ABHD5: variants seen among roughly 807,000 people sequenced by gnomAD.
ABHD5 encodes the protein 1-acylglycerol-3-phosphate O-acyltransferase ABHD5.
In ABHD5, 30 loss-of-function variants were observed where a neutral mutation model predicts 44.9. That is an observed-to-expected ratio of 0.67 (90% CI 0.50 to 0.91). ABHD5 has a LOEUF of 0.91. Ranked by LOEUF, ABHD5 falls within the 40% of genes least tolerant of loss-of-function variation. The pLI is 0.00. For missense variants in ABHD5, 399 were observed against 423.4 expected (o/e 0.94, Z 0.50); for synonymous variants, 167 against 147.0 (o/e 1.14, Z -0.99).
chr3:43,718,856 T>C lies in ABHD5; in HGVS notation c.*324T>C, dbSNP rs955848631. ...AAATTTTTTAATCTAACTTTGCTAG[T>C]TATTTTTATATTGCAATCTATATTA... On this transcript the variant is annotated 3_prime_UTR_variant, in exon 7 of 7. Coordinates refer to ENST00000644371, the MANE Select transcript of ABHD5 (RefSeq NM_016006.6). 5.8e-5 allele frequency: 17 copies of C among 293,390 alleles called. No homozygotes were observed. The highest frequency in any genetic ancestry group is 1.2e-3 in the Middle Eastern group (1 of 858). The allele number at this position is 293,390 out of a possible 1,614,324, so 18.2% of individuals were successfully genotyped here.
At position 43,691,049 on chromosome 3, in the gene ABHD5, G is replaced by A. The variant is rs375014954; in HGVS notation, c.47+10G>A. On this transcript the variant is annotated intron_variant, in intron 1 of 6. Coordinates refer to ENST00000644371, the MANE Select transcript of ABHD5 (RefSeq NM_016006.6). ...CCGACACCGGAGAGAGGTAAGCGCAGCCGGCAGGGGGCTTCGTGTGTCTCC... is the reference window on the plus strand; with the variant it reads ...CCGACACCGGAGAGAGGTAAGCGCAACCGGCAGGGGGCTTCGTGTGTCTCC... The A allele has an allele frequency of 3.2e-6, 5 of 1,548,400 alleles. No individual in the cohort carries two copies. The highest frequency in any genetic ancestry group is 1.7e-4 in the Middle Eastern group (1 of 5,848).
At chr3:43,690,910 T>G, upstream of ABHD5, 5 of 1,446,184 alleles carry the variant, frequency 3.5e-6, no homozygotes, top group Non-Finnish European at 4.6e-6. Context: ...TGCGCCGCCT[T>G]AAGTGCCGCG....
chr3:43,693,360 C>A (rs571444069), intron 1 of ABHD5, among the ~76,000 whole-genome samples: 2 of 152,138 alleles, frequency 1.3e-5, no homozygotes. Flanking sequence ...AGGGATTTTT[C>A]TCTCCCCTCC....
chr3:43,704,033 CTTTTTTTTTTTTTTTTTT>C lies in ABHD5; in HGVS notation c.506+1451_506+1468del, dbSNP rs10544525. Among the ~76,000 whole-genome samples, 17 of 84,860 alleles carry C rather than the reference CTTTTTTTTTTTTTTTTTT, an allele frequency of 2.0e-4. No individual in the cohort carries two copies. The South Asian group carries it at 6.0e-3, about 30-fold the overall frequency. 55.7% of individuals were successfully genotyped at this position (84,860 alleles called of 152,430 possible). Reference sequence around the variant, plus strand: ...ATTTTGGGGTTACTTTCTTTATTTTCTTTTTTTTTTTTTTTTTTTTTTGAGCCGGAGTCTCACTCGGTC... The same window carrying C: ...ATTTTGGGGTTACTTTCTTTATTTTCTTTTGAGCCGGAGTCTCACTCGGTC... On this transcript the variant is annotated intron_variant, in intron 3 of 6. Transcript: ENST00000644371.
chr3:43,694,715 G>A (rs186642816), intron 1 of ABHD5, among the ~76,000 whole-genome samples: 7 of 151,986 alleles, frequency 4.6e-5, no homozygotes, highest in Non-Finnish European at 8.8e-5. Flanking sequence ...TACAGGTTGG[G>A]GGGGGAGGGG....
Position 43,702,510 on chromosome 3 carries a change from A to G in ABHD5, c.429A>G (p.Gly143=). Residue 143 remains glycine (G), a synonymous_variant, in exon 3 of 7, where the codon GGA becomes GGG. Coordinates refer to ENST00000644371, the MANE Select transcript of ABHD5 (RefSeq NM_016006.6). ...ESIEEWRCAL[G]LDKMILLGHN... ...TTGAAGAGTGGAGATGTGCCCTAGG[A>G]TTGGACAAAATGATCTTGCTTGGGC... 1 of 1,614,196 alleles carries G rather than the reference A, an allele frequency of 6.2e-7. No homozygotes were observed. The highest frequency in any genetic ancestry group is 8.5e-7 in the Non-Finnish European group (1 of 1,180,034).
intron 7 of ABHD5, among the ~76,000 whole-genome samples, chr3:43,732,280 A>G (rs1252613367): frequency 6.6e-6 from 1 of 151,982 alleles, no homozygotes; most frequent in South Asian, 2.1e-4. Context: ...AAAATACAAA[A>G]ATTAGCCGGC....
chr3:43,691,226 G>T (rs1410520089), intron 1 of ABHD5, 187 bp downstream of exon 1: 1 of 496,040 alleles, frequency 2.0e-6, no homozygotes, highest in East Asian at 3.6e-5. Flanking sequence ...CTGCCTGGGA[G>T]AGGCTCCCCT....
chr3:43,699,285 G>A lies in ABHD5; in HGVS notation c.57G>A (p.Trp19Ter). ...DSADTGERSGWLTGWLPTWCP... is the reference protein window; with the variant it reads ...DSADTGERSG ...GTTTTTGGTGCTCTAGGTCAGGATG[G>A]CTAACTGGTTGGCTCCCCACATGGT... Residue 19 changes from tryptophan (W) to a stop codon, truncating the protein, a stop_gained, in exon 2 of 7, where the codon TGG (tryptophan) becomes TGA (stop). Transcript: ENST00000644371. LOFTEE classifies it high-confidence loss of function. 2 of 1,613,920 alleles carry A rather than the reference G, an allele frequency of 1.2e-6. No individual in the cohort carries two copies. The highest frequency in any genetic ancestry group is 1.7e-6 in the Non-Finnish European group (2 of 1,179,826).
rs765897182 is a variant in ABHD5, at chr3:43,702,484, A to G, written c.403A>G (p.Ile135Val). The change falls in exon 3 of 7, where the codon ATT (isoleucine) becomes GTT (valine). Residue 135 changes from isoleucine (I) to valine (V), a missense_variant. Coordinates refer to ENST00000644371, the MANE Select transcript of ABHD5 (RefSeq NM_016006.6). ...EEVENQFVES[I>V]EEWRCALGLD... ...AGTGGAGAATCAGTTTGTGGAATCC[A>G]TTGAAGAGTGGAGATGTGCCCTAGG... is the stretch of plus-strand genomic sequence containing the variant. 9.9e-6 allele frequency: 16 copies of G among 1,614,236 alleles called. No homozygotes were observed. In the Admixed American group the frequency reaches 1.7e-4, roughly 17 times the overall value.
intron 7 of ABHD5, among the ~76,000 whole-genome samples, chr3:43,732,721 T>C (rs554867582): frequency 2.7e-4 from 41 of 152,376 alleles, no homozygotes; most frequent in African/African-American, 9.6e-4. Context: ...TCATGGTTTC[T>C]GCGGATGAAG....
intron 1 of ABHD5, among the ~76,000 whole-genome samples, chr3:43,694,024 C>T (rs2084437685): frequency 6.6e-6 from 1 of 151,750 alleles, no homozygotes; most frequent in Non-Finnish European, 1.5e-5. Context: ...AAGCTTAGTT[C>T]TGGCCGGGCG....
chr3:43,723,165 T>C (rs1353434043), downstream of ABHD5, among the ~76,000 whole-genome samples: 1 of 152,180 alleles, frequency 6.6e-6, no homozygotes, highest in African/African-American at 2.4e-5. Flanking sequence ...AAACATGAAA[T>C]ATATAAAACG....
At chr3:43,732,072 CAT>C (rs1488253217) in intron 7 of ABHD5, among the ~76,000 whole-genome samples, 1 of 151,964 alleles carries the variant, frequency 6.6e-6, no homozygotes, top group Non-Finnish European at 1.5e-5. Flanking sequence ...CCCAGTAAAA[CAT>C]AAAAAAAATT....
intron 1 of ABHD5, among the ~76,000 whole-genome samples, chr3:43,697,798 C>A (rs2084492305): frequency 6.6e-6 from 1 of 152,106 alleles, no homozygotes; most frequent in African/African-American, 2.4e-5. Flanking sequence ...AATGGGCAAC[C>A]CTTCAGACAT....
At chr3:43,691,270 T>G in intron 1 of ABHD5, 4 of 366,662 alleles carry the variant, frequency 1.1e-5, no homozygotes, top group African/African-American at 2.1e-5. Context: ...TGAGCCGGAC[T>G]CCGGCCGCGC....
Position 43,713,151 on chromosome 3 carries a change from A to C in ABHD5, c.661+1288A>C, listed in dbSNP as rs190132561. Reference sequence around the variant, plus strand: ...GCCAACATGACAAAACCCCATCTCTACTAAAAATACAAAAAAATTAGCCAG... The same window carrying C: ...GCCAACATGACAAAACCCCATCTCTCCTAAAAATACAAAAAAATTAGCCAG... On this transcript the variant is annotated intron_variant, in intron 4 of 6. Transcript: ENST00000644371. Among the ~76,000 whole-genome samples the C allele has an allele frequency of 2.6e-5, 4 of 151,894 alleles. No individual in the cohort carries two copies. The East Asian group carries it at 7.8e-4, about 29-fold the overall frequency.
intron 3 of ABHD5, among the ~76,000 whole-genome samples, chr3:43,708,516 A>T (rs1375456287): frequency 2.6e-5 from 4 of 152,166 alleles, no homozygotes; most frequent in Non-Finnish European, 4.4e-5. Flanking sequence ...AAGAATAAAT[A>T]CCTGTCTTTC....
intron 7 of ABHD5, among the ~76,000 whole-genome samples, chr3:43,728,542 A>G (rs535574717): frequency 8.4e-4 from 128 of 152,278 alleles, no homozygotes; most frequent in African/African-American, 2.8e-3. Flanking sequence ...ATAAAGGAGG[A>G]ATTTGGAAAT....
Sources: allele counts gnomAD v4.1 joint callset (sites outside exome capture counted in the v4.1 genomes callset), GRCh38; gene constraint gnomAD v4.1.1; transcripts MANE v1.5; gene names NCBI Gene and HGNC (gene_info 2026-07-23, HGNC 2026-07-21).